Variants in INPP4B observed in about 807,000 individuals in gnomAD.
INPP4B encodes the protein inositol polyphosphate 4-phosphatase type II.
INPP4B carries 55 observed loss-of-function variants against 122.5 expected under a neutral mutation model. The ratio of observed to expected loss-of-function variants is 0.45; its 90% confidence interval spans 0.36 to 0.56. The LOEUF is 0.56. INPP4B is among the 20% of genes least tolerant of loss of function. The probability of loss-of-function intolerance (pLI) is 0.00; values close to 1 mark genes in which losing one functional copy is unlikely to be tolerated. For missense variants in INPP4B, 1,000 were observed against 1,097.7 expected, an observed-to-expected ratio of 0.91 and a Z score of 1.26; for synonymous variants, 403 against 388.7, an observed-to-expected ratio of 1.04 and a Z score of -0.43.
chr4:142,802,154 A>G (rs963312453), intron 1 of INPP4B, among the ~76,000 whole-genome samples: 1 of 152,122 alleles, frequency 6.6e-6, no homozygotes. Context: ...AAGACATTTC[A>G]CACTCCACCA....
intron 7 of INPP4B, among the ~76,000 whole-genome samples, chr4:142,356,435 G>A (rs1232925450): frequency 6.6e-6 from 1 of 151,514 alleles, no homozygotes; most frequent in Non-Finnish European, 1.5e-5. Flanking sequence ...GAAATGTGAG[G>A]AAAGCTTGGA....
intron 2 of INPP4B, among the ~76,000 whole-genome samples, chr4:142,545,824 T>C (rs1829574193): frequency 3.4e-5 from 1 of 29,070 alleles, no homozygotes; most frequent in African/African-American, 6.8e-5. Flanking sequence ...CATGTGTGTA[T>C]ATATATATAT....
At chr4:142,713,312 C>G (rs1230943231) in intron 2 of INPP4B, among the ~76,000 whole-genome samples, 1 of 152,020 alleles carries the variant, frequency 6.6e-6, no homozygotes, top group Non-Finnish European at 1.5e-5. Flanking sequence ...AAAGTGTAGC[C>G]TGGGCTAGAG....
chr4:142,745,675 C>T (rs1366222562), intron 1 of INPP4B, among the ~76,000 whole-genome samples: 1 of 151,232 alleles, frequency 6.6e-6, no homozygotes, highest in African/African-American at 2.4e-5. Context: ...ATAAGAGTGC[C>T]TACAAAAAAG....
chr4:142,668,611 C>A (rs1756498614), intron 2 of INPP4B, among the ~76,000 whole-genome samples: 1 of 152,124 alleles, frequency 6.6e-6, no homozygotes, highest in Non-Finnish European at 1.5e-5. Context: ...GAAGACTCCA[C>A]CCCAAAACTA....
intron 2 of INPP4B, among the ~76,000 whole-genome samples, chr4:142,481,523 T>C (rs1453614007): frequency 3.9e-5 from 6 of 152,156 alleles, no homozygotes; most frequent in Admixed American, 3.3e-4. Flanking sequence ...TTTAGCTTTA[T>C]CTTTGGATAT....
intron 12 of INPP4B, among the ~76,000 whole-genome samples, chr4:142,226,902 T>TA (rs1851840415): frequency 6.6e-6 from 1 of 152,194 alleles, no homozygotes; most frequent in South Asian, 2.1e-4. Context: ...AGGGTAGTAT[T>TA]ATGAACTGAG....
chr4:142,302,159 T>C (rs918865483), intron 9 of INPP4B, among the ~76,000 whole-genome samples: 5 of 152,122 alleles, frequency 3.3e-5, no homozygotes, highest in African/African-American at 1.2e-4. Flanking sequence ...TCCCTCAGCC[T>C]TCAATCCCCC....
chr4:142,722,927 G>A (rs1188795043), intron 2 of INPP4B, among the ~76,000 whole-genome samples: 2 of 152,076 alleles, frequency 1.3e-5, no homozygotes, highest in Non-Finnish European at 2.9e-5. Context: ...TAGTAGGTAT[G>A]TGATAAATAA....
intron 2 of INPP4B, among the ~76,000 whole-genome samples, chr4:142,599,172 T>C (rs1739345974): frequency 6.6e-6 from 1 of 152,126 alleles, no homozygotes; most frequent in Non-Finnish European, 1.5e-5. Context: ...GGTTCCCAGG[T>C]TCCTGAGTAC....
At chr4:142,199,910 A>C (rs969767133) in intron 14 of INPP4B, among the ~76,000 whole-genome samples, 2 of 152,014 alleles carry the variant, frequency 1.3e-5, no homozygotes, top group African/African-American at 4.8e-5. Flanking sequence ...AAAGTTAGTA[A>C]AAATCTGGGG....
At chr4:142,090,677 G>A (rs1779102722) in intron 23 of INPP4B, among the ~76,000 whole-genome samples, 1 of 151,330 alleles carries the variant, frequency 6.6e-6, no homozygotes, top group South Asian at 2.1e-4. Flanking sequence ...GGGCAGCTGA[G>A]TCTCTATGCA....
At chr4:142,752,649 A>G (rs1230578039) in intron 1 of INPP4B, among the ~76,000 whole-genome samples, 1 of 152,096 alleles carries the variant, frequency 6.6e-6, no homozygotes, top group Non-Finnish European at 1.5e-5. Flanking sequence ...GCTGTCAGGC[A>G]GCAAGAGTCG....
At chr4:142,326,247 C>T (rs777021155) in intron 7 of INPP4B, among the ~76,000 whole-genome samples, 21 of 152,166 alleles carry the variant, frequency 1.4e-4, no homozygotes, top group Admixed American at 3.3e-4. Context: ...AAGGAGAAAC[C>T]TCTAAAAAGC....
intron 7 of INPP4B, among the ~76,000 whole-genome samples, chr4:142,332,741 A>G (rs1775029108): frequency 6.6e-6 from 1 of 151,770 alleles, no homozygotes; most frequent in Non-Finnish European, 1.5e-5. Context: ...GCAGTGGCTC[A>G]CGCCTGTAAT....
intron 2 of INPP4B, among the ~76,000 whole-genome samples, chr4:142,666,487 G>C (rs752796507): frequency 6.6e-6 from 1 of 151,584 alleles, no homozygotes; most frequent in Non-Finnish European, 1.5e-5. Flanking sequence ...AATATTATAC[G>C]GCAAATAAAA....
intron 2 of INPP4B, among the ~76,000 whole-genome samples, chr4:142,666,798 T>TAAGA (rs1391018463): frequency 1.6e-4 from 24 of 152,184 alleles, no homozygotes; most frequent in African/African-American, 4.8e-4. Context: ...TAACATTTCT[T>TAAGA]AAGAAAGACT....
chr4:142,224,697 T>C (rs1264421228), intron 12 of INPP4B, among the ~76,000 whole-genome samples: 1 of 152,114 alleles, frequency 6.6e-6, no homozygotes, highest in Non-Finnish European at 1.5e-5. Flanking sequence ...GATACATACA[T>C]AGATATATTT....
At chr4:142,419,207 A>G (rs989860474) in intron 5 of INPP4B, among the ~76,000 whole-genome samples, 3 of 152,118 alleles carry the variant, frequency 2.0e-5, no homozygotes, top group African/African-American at 7.2e-5. Context: ...AATTTTTAAG[A>G]TAACCTCCTA....
Sources: gnomAD v4.1 joint callset for allele counts (sites outside exome capture counted in the v4.1 genomes callset) on GRCh38, gnomAD v4.1.1 for gene constraint, MANE v1.5 for transcripts, NCBI Gene and HGNC (gene_info 2026-07-23, HGNC 2026-07-21) for gene names.